GPHN: variants seen among roughly 807,000 people sequenced by gnomAD.
GPHN encodes the protein gephyrin.
In GPHN, 17 loss-of-function variants were observed where a neutral mutation model predicts 95.5. That is an observed-to-expected ratio of 0.18 (90% CI 0.12 to 0.27). The LOEUF (loss-of-function observed/expected upper bound fraction) is 0.27. Ranked by LOEUF, GPHN falls within the 10% of genes least tolerant of loss-of-function variation. The probability of loss-of-function intolerance (pLI) is 1.00; values close to 1 mark genes in which losing one functional copy is unlikely to be tolerated. For missense variants in GPHN, 660 were observed against 978.1 expected (o/e 0.67, Z 4.34); for synonymous variants, 320 against 322.5 (o/e 0.99, Z 0.08).
At chr14:67,579,037 A>T in the GPHN span, 1 of 800,900 alleles carries the variant, frequency 1.2e-6, no homozygotes, top group Non-Finnish European at 2.0e-6. Context: ...TGCCCCAGCT[A>T]CAGTTTTGGT....
Position 66,923,309 on chromosome 14 carries a change from C to T in GPHN, c.729+371C>T, listed in dbSNP as rs189988317. 1.5e-3 allele frequency among the ~76,000 whole-genome samples: 232 copies of T among 152,202 alleles called. No individual in the cohort carries two copies. The South Asian group carries it at 0.016, about 11-fold the overall frequency. ...CACAAATTCTTAAAGGAACAGCAAA[C>T]TGAAGGTAAAAGACCTTAGATGATT... On this transcript the variant is annotated intron_variant, in intron 7 of 22. Transcript: ENST00000478722.
At chr14:67,579,625 G>A in the GPHN span, 32 of 1,239,050 alleles carry the variant, frequency 2.6e-5, no homozygotes, top group African/African-American at 1.8e-4. Context: ...ATTTGCCCTT[G>A]CTCCTTTCCA....
At chr14:66,612,417 T>G (rs1341444021) in intron 1 of GPHN, among the ~76,000 whole-genome samples, 1 of 152,012 alleles carries the variant, frequency 6.6e-6, no homozygotes, top group African/African-American at 2.4e-5. Flanking sequence ...ATTTTTTGTT[T>G]TGGAAAATTT....
chr14:66,540,937 C>T (rs2059331722), intron 1 of GPHN, among the ~76,000 whole-genome samples: 1 of 151,910 alleles, frequency 6.6e-6, no homozygotes, highest in Admixed American at 6.6e-5. Flanking sequence ...TGGTGCCTGG[C>T]TAATTTTTTT....
chr14:66,661,145 G>A (rs891278735), intron 1 of GPHN, among the ~76,000 whole-genome samples: 2 of 152,186 alleles, frequency 1.3e-5, no homozygotes, highest in Non-Finnish European at 2.9e-5. Context: ...CTGAATCCAG[G>A]GGGCTAAGAA....
downstream of GPHN, among the ~76,000 whole-genome samples, chr14:67,183,628 A>G (rs372566090): frequency 8.8e-4 from 133 of 151,948 alleles, no homozygotes; most frequent in African/African-American, 3.1e-3. Context: ...CAGTGGCGCG[A>G]TCTCAGCTCA....
At chr14:67,395,611 A>G in the GPHN span, 1 of 1,609,972 alleles carries the variant, frequency 6.2e-7, no homozygotes, top group Non-Finnish European at 8.5e-7. Flanking sequence ...CAGTCAGGCC[A>G]GCACTCAGGC....
intron 7 of GPHN, among the ~76,000 whole-genome samples, chr14:66,923,567 A>C (rs551289203): frequency 2.6e-5 from 4 of 152,164 alleles, no homozygotes. Context: ...ATATACTACC[A>C]TGAGTTACTT....
At chr14:66,731,313 T>G (rs542876887) in intron 2 of GPHN, among the ~76,000 whole-genome samples, 1 of 152,318 alleles carries the variant, frequency 6.6e-6, no homozygotes, top group Non-Finnish European at 1.5e-5. Context: ...TGGAATAGTT[T>G]GTAGGGCTCA....
chr14:67,345,752 G>C, the GPHN span: 1 of 1,570,444 alleles, frequency 6.4e-7, no homozygotes, highest in Non-Finnish European at 8.8e-7. Flanking sequence ...AGTTCTCCAG[G>C]TCTTTTGCTA....
chr14:67,465,823 G>A, the GPHN span, among the ~76,000 whole-genome samples: 1 of 152,166 alleles, frequency 6.6e-6, no homozygotes. Context: ...TACCCGGGTG[G>A]GCCCTACATG....
the GPHN span, chr14:67,725,286 G>A: frequency 4.3e-6 from 7 of 1,611,232 alleles, no homozygotes; most frequent in Non-Finnish European, 5.9e-6. Context: ...AGAAAAGCAG[G>A]AAATTGGGTA....
intron 17 of GPHN, among the ~76,000 whole-genome samples, chr14:67,126,178 C>T (rs1212808834): frequency 6.6e-6 from 1 of 152,114 alleles, no homozygotes; most frequent in African/African-American, 2.4e-5. Flanking sequence ...CTGTTTGGAA[C>T]ACAGTACTGT....
At chr14:67,311,327 AAAAGCC>A in the GPHN span, among the ~76,000 whole-genome samples, 1 of 152,006 alleles carries the variant, frequency 6.6e-6, no homozygotes, top group Non-Finnish European at 1.5e-5. Context: ...AAAAAAAAAA[AAAAGCC>A]AAAGCCAAAT....
At chr14:66,898,488 AAAAG>A (rs2064974891) in intron 5 of GPHN, among the ~76,000 whole-genome samples, 1 of 148,952 alleles carries the variant, frequency 6.7e-6, no homozygotes, top group South Asian at 2.1e-4. Flanking sequence ...AAAAAAAAAA[AAAAG>A]CTACCTTTCC....
At chr14:67,490,569 G>C in the GPHN span, among the ~76,000 whole-genome samples, 2 of 152,298 alleles carry the variant, frequency 1.3e-5, no homozygotes, top group African/African-American at 4.8e-5. Flanking sequence ...TTCCCAAAGA[G>C]GCTACTGGCA....
intron 1 of GPHN, among the ~76,000 whole-genome samples, chr14:66,668,569 G>A (rs899361146): frequency 2.6e-5 from 4 of 152,190 alleles, no homozygotes; most frequent in Non-Finnish European, 5.9e-5. Context: ...CTTAGGAATG[G>A]GAACTGAATG....
At chr14:66,872,042 C>T (rs576644218) in intron 4 of GPHN, among the ~76,000 whole-genome samples, 14 of 152,236 alleles carry the variant, frequency 9.2e-5, no homozygotes, top group South Asian at 6.2e-4. Flanking sequence ...TGTTAAATAT[C>T]CTGTTATGCT....
the GPHN span, among the ~76,000 whole-genome samples, chr14:67,682,262 C>A: frequency 6.6e-6 from 1 of 152,120 alleles, no homozygotes; most frequent in East Asian, 1.9e-4. Flanking sequence ...AATAGATAAA[C>A]TGGACTTCAT....
Sources: gnomAD v4.1 joint callset for allele counts (sites outside exome capture counted in the v4.1 genomes callset) on GRCh38, gnomAD v4.1.1 for gene constraint, MANE v1.5 for transcripts, NCBI Gene and HGNC (gene_info 2026-07-23, HGNC 2026-07-21) for gene names.